ZNF705B: variants seen among roughly 807,000 people sequenced by gnomAD.
The protein encoded by ZNF705B is zinc finger protein 705B.
Under a neutral mutation model 10.5 loss-of-function variants are expected in ZNF705B, and 1 was observed. The observed-to-expected ratio is 0.10, with a 90% CI of 0.03 to 0.45. The LOEUF (loss-of-function observed/expected upper bound fraction) is 0.45. Among genes scored for constraint, ZNF705B ranks in the 20% least tolerant of loss-of-function variants. ZNF705B has a pLI of 0.97. For synonymous variants in ZNF705B, 4 were observed against 25.4 expected, an observed-to-expected ratio of 0.16 and a Z score of 2.53; for missense variants, 14 against 84.0, an observed-to-expected ratio of 0.17 and a Z score of 3.26.
intron 2 of ZNF705B, 29 bp downstream of exon 2, chr8:7,930,465 T>G (rs1359788835): frequency 1.3e-5 from 1 of 76,156 alleles, no homozygotes; most frequent in African/African-American, 3.4e-5. Flanking sequence ...TGGAGGATGA[T>G]GAAGTGGATG....
chr8:7,932,851 A>T lies in ZNF705B; in HGVS notation c.-72+2415A>T, dbSNP rs533536290. 1.7e-3 allele frequency among the ~76,000 whole-genome samples: 178 copies of T among 105,576 alleles called. 12 individuals carry two copies. The highest frequency in any genetic ancestry group is 4.3e-3 in the African/African-American group (163 of 37,626). The allele number at this position is 105,576 out of a possible 152,430, so 69.3% of individuals were successfully genotyped here. ...GGCCCCCCAGTACTTTACACAAAAA[A>T]GAAAACTCTATGAATGAGAATCTCT... is the stretch of plus-strand genomic sequence containing the variant. On this transcript the variant is annotated intron_variant, in intron 2 of 6. Transcript: ENST00000400120.
chr8:7,937,561 T>G (rs1820049856), intron 2 of ZNF705B, among the ~76,000 whole-genome samples: 1 of 119,744 alleles, frequency 8.4e-6, no homozygotes, highest in Admixed American at 9.8e-5. Flanking sequence ...GGGTTATATA[T>G]GTAAGACACA....
At chr8:7,945,095 A>AT (rs1315509118) in intron 2 of ZNF705B, among the ~76,000 whole-genome samples, 1 of 32,658 alleles carries the variant, frequency 3.1e-5, no homozygotes, top group African/African-American at 6.4e-5. Context: ...TTGTCAATAC[A>AT]TTTTTTTTCC....
intron 2 of ZNF705B, among the ~76,000 whole-genome samples, chr8:7,931,796 G>A (rs1395501085): frequency 1.5e-5 from 2 of 131,210 alleles, no homozygotes; most frequent in African/African-American, 2.5e-5. Context: ...TGTTCTGGGG[G>A]CAGCCTCCCT....
intron 1 of ZNF705B, among the ~76,000 whole-genome samples, chr8:7,928,559 G>A (rs1819759918): frequency 8.6e-6 from 1 of 116,582 alleles, no homozygotes; most frequent in Non-Finnish European, 2.0e-5. Flanking sequence ...ATGTGGAGGG[G>A]AAAGAGAGAA....
chr8:7,933,024 C>T (rs1236973337), intron 2 of ZNF705B, among the ~76,000 whole-genome samples: 3 of 118,224 alleles, frequency 2.5e-5, no homozygotes, highest in Non-Finnish European at 4.0e-5. Context: ...TGTGAATGTG[C>T]CACCTTGTAA....
At chr8:7,927,778 A>G (rs1263815020) in intron 1 of ZNF705B, among the ~76,000 whole-genome samples, 2 of 148,144 alleles carry the variant, frequency 1.4e-5, no homozygotes, top group African/African-American at 4.9e-5. Flanking sequence ...GGTACAAAAA[A>G]AAATTGTCTC....
At chr8:7,930,977 T>G (rs1256529477) in intron 2 of ZNF705B, among the ~76,000 whole-genome samples, 4 of 126,344 alleles carry the variant, frequency 3.2e-5, no homozygotes, top group African/African-American at 1.0e-4. Context: ...TGCCTCAGCC[T>G]CCAGAGTAGC....
At chr8:7,928,663 G>GC (rs1819762816) in intron 1 of ZNF705B, among the ~76,000 whole-genome samples, 1 of 93,674 alleles carries the variant, frequency 1.1e-5, no homozygotes, top group Non-Finnish European at 2.5e-5. Flanking sequence ...AAACTCTTTG[G>GC]CCCCTAATGC....
chr8:7,928,117 G>A lies in ZNF705B; in HGVS notation c.-222+1720G>A, dbSNP rs1177500546. On this transcript the variant is annotated intron_variant, in intron 1 of 6. Transcript: ENST00000400120. ...ACACCGGCATAGGTGTCTGGAGAGAGCTCGTTCCCTTCTCTGTGATGTTAT... is the reference window on the plus strand; with the variant it reads ...ACACCGGCATAGGTGTCTGGAGAGAACTCGTTCCCTTCTCTGTGATGTTAT... 2.6e-5 allele frequency among the ~76,000 whole-genome samples: 3 copies of A among 117,612 alleles called. 1 individual carries two copies. Among genetic ancestry groups the A allele is most frequent in the Non-Finnish European group, 6.1e-5 (3 of 49,306 alleles). The allele number at this position is 117,612 out of a possible 152,430, so 77.2% of individuals were successfully genotyped here.
At chr8:7,935,396 C>T (rs1469778455) in intron 2 of ZNF705B, among the ~76,000 whole-genome samples, 2 of 147,214 alleles carry the variant, frequency 1.4e-5, no homozygotes, top group African/African-American at 4.9e-5. Context: ...AGGCCACACA[C>T]TCTGAGGTAC....
chr8:7,942,454 C>T, intron 2 of ZNF705B, among the ~76,000 whole-genome samples: 1 of 83,170 alleles, frequency 1.2e-5, no homozygotes, highest in Non-Finnish European at 2.6e-5. Flanking sequence ...GACCTCATTC[C>T]CTTACAATGG....
At chr8:7,926,655 G>A (rs1453767135) in intron 1 of ZNF705B, among the ~76,000 whole-genome samples, 14 of 104,972 alleles carry the variant, frequency 1.3e-4, no homozygotes, top group African/African-American at 1.9e-4. Flanking sequence ...GTTAAGAAGC[G>A]GAACATTTGG....
chr8:7,932,068 C>A (rs1294588194), intron 2 of ZNF705B, among the ~76,000 whole-genome samples: 1 of 119,894 alleles, frequency 8.3e-6, no homozygotes, highest in African/African-American at 2.5e-5. Flanking sequence ...TGCAGACGAT[C>A]CAGTGCCAAC....
At chr8:7,931,844 C>T (rs1389080401) in intron 2 of ZNF705B, among the ~76,000 whole-genome samples, 1 of 126,418 alleles carries the variant, frequency 7.9e-6, no homozygotes, top group African/African-American at 2.5e-5. Context: ...GTGTAGGACA[C>T]TGTGTAGGCT....
At chr8:7,941,270 C>T (rs1232568919) in intron 2 of ZNF705B, among the ~76,000 whole-genome samples, 8 of 145,554 alleles carry the variant, frequency 5.5e-5, no homozygotes, top group Admixed American at 4.2e-4. Context: ...ACCATACTGT[C>T]TTCCACAATA....
Position 7,941,163 on chromosome 8 carries a change from T to C in ZNF705B, c.-71-6188T>C, listed in dbSNP as rs1485128723. Among the ~76,000 whole-genome samples the C allele has an allele frequency of 4.1e-5, 6 of 146,788 alleles. 1 individual carries two copies. Among genetic ancestry groups the C allele is most frequent in the Non-Finnish European group, 6.1e-5 (4 of 66,088 alleles). Reference sequence around the variant, plus strand: ...TGCAATGAACATATGTGTGCATGTATCTTTATAATAGAATGATTTATATTC... The same window carrying C: ...TGCAATGAACATATGTGTGCATGTACCTTTATAATAGAATGATTTATATTC... On this transcript the variant is annotated intron_variant, in intron 2 of 6. Transcript: ENST00000400120.
rs1218849918 is a variant in ZNF705B, at chr8:7,940,507, G to C, written c.-71-6844G>C. Among the ~76,000 whole-genome samples, 147 of 115,108 alleles carry C rather than the reference G, an allele frequency of 1.3e-3. 2 individuals are homozygous for C. Among genetic ancestry groups the C allele is most frequent in the Non-Finnish European group, 2.3e-3 (113 of 49,742 alleles). The allele number at this position is 115,108 out of a possible 152,430, so 75.5% of individuals were successfully genotyped here. On this transcript the variant is annotated intron_variant, in intron 2 of 6. Transcript: ENST00000400120. ...TTAAGTATTTAATACAGTATTCTTAGCTGTAAGCACTATGCTGTAAACGAG... is the reference window on the plus strand; with the variant it reads ...TTAAGTATTTAATACAGTATTCTTACCTGTAAGCACTATGCTGTAAACGAG...
At chr8:7,932,271 G>A (rs56984099) in intron 2 of ZNF705B, among the ~76,000 whole-genome samples, 3,233 of 119,002 alleles carry the variant, frequency 0.027, 120 homozygotes, top group African/African-American at 0.08. Context: ...GCTGATTCTG[G>A]CTGGGCTGCT....
Sources: gnomAD v4.1 joint callset for allele counts (sites outside exome capture counted in the v4.1 genomes callset) on GRCh38, gnomAD v4.1.1 for gene constraint, MANE v1.5 for transcripts, NCBI Gene and HGNC (gene_info 2026-07-23, HGNC 2026-07-21) for gene names.